The following PYGM variants were observed in gnomAD, a reference collection of about 807,000 sequenced individuals.
The protein encoded by PYGM is glycogen phosphorylase, muscle form.
In PYGM, 81 loss-of-function variants were observed where a neutral mutation model predicts 99.3. That is an observed-to-expected ratio of 0.82 (90% CI 0.68 to 0.98). PYGM has a LOEUF of 0.98. Ranked by LOEUF, PYGM falls within the 50% of genes least tolerant of loss-of-function variation. The pLI is 0.00. For synonymous variants in PYGM, 436 were observed against 451.5 expected, an observed-to-expected ratio of 0.97 and a Z score of 0.44; for missense variants, 1,030 against 1,158.1, an observed-to-expected ratio of 0.89 and a Z score of 1.61.
Position 64,754,719 on chromosome 11 carries a change from TGCGCACGGGATCACG to T in PYGM, c.958_972del (p.Arg320_Arg324del), listed in dbSNP as rs749369836. 6.2e-7 allele frequency: 1 copy of T among 1,613,752 alleles called. No individual in the cohort carries two copies. The highest frequency in any genetic ancestry group is 1.1e-5 in the South Asian group (1 of 91,062). On this transcript the variant is annotated inframe_deletion, in exon 8 of 20. Coordinates refer to ENST00000164139, the MANE Select transcript of PYGM (RefSeq NM_005609.4). This position sits in a 1 kb window ranked among gnomAD's most constrained non-coding sequence, Gnocchi z 5.5. ...TTATCTGGGAAGGCATCGAAGTTCGTGCGCACGGGATCACGGCAGCCGAACTTGGAAGACTTGAAG... is the reference window on the plus strand; with the variant it reads ...TTATCTGGGAAGGCATCGAAGTTCGTGCAGCCGAACTTGGAAGACTTGAAG...
chr11:64,757,711 T>C lies in PYGM; in HGVS notation c.660+68A>G. On this transcript the variant is annotated intron_variant, in intron 5 of 19. Transcript: ENST00000164139. ...GGTGTAAAATACACTGGGTCCTGCT[T>C]CCTCTCTGGGCTTCCTTCTCTTCCC... The C allele has an allele frequency of 2.5e-6, 4 of 1,605,802 alleles. No individual in the cohort carries two copies. In the South Asian group the frequency reaches 4.4e-5, roughly 18 times the overall value.
Position 64,746,817 on chromosome 11 carries a change from C to T in PYGM, c.2380-9G>A, listed in dbSNP as rs780193913. ...GTCCACTCTCTTGGGTTCTGCAGGTCAAAGGGAAGCTCTGGTTCACTCTGC... is the reference window on the plus strand; with the variant it reads ...GTCCACTCTCTTGGGTTCTGCAGGTTAAAGGGAAGCTCTGGTTCACTCTGC... On this transcript the variant is annotated splice_polypyrimidine_tract_variant and intron_variant, in intron 19 of 19. Transcript: ENST00000164139. 1.2e-6 allele frequency: 2 copies of T among 1,614,162 alleles called. No homozygotes were observed. Among genetic ancestry groups the T allele is most frequent in the Non-Finnish European group, 8.5e-7 (1 of 1,180,022 alleles).
chr11:64,755,654 G>T lies in PYGM; in HGVS notation c.661-96C>A. ...CAAGGCTTTATCCCTGCACTCTGCAGACCCAGGCTCTTGTCCTTGTCTAGC... is the reference window on the plus strand; with the variant it reads ...CAAGGCTTTATCCCTGCACTCTGCATACCCAGGCTCTTGTCCTTGTCTAGC... On this transcript the variant is annotated intron_variant, in intron 5 of 19. Coordinates refer to ENST00000164139, the MANE Select transcript of PYGM (RefSeq NM_005609.4). The surrounding 1 kb of genome is among the most constrained non-coding windows in gnomAD (Gnocchi z 4.1). 1.1e-6 allele frequency: 1 copy of T among 925,984 alleles called. No individual in the cohort carries two copies. Among genetic ancestry groups the T allele is most frequent in the South Asian group, 1.4e-5 (1 of 69,506 alleles). The allele number at this position is 925,984 out of a possible 1,614,324, so 57.4% of individuals were successfully genotyped here.
At chr11:64,759,441 C>T (rs560318083) in intron 1 of PYGM, among the ~76,000 whole-genome samples, 16 of 152,282 alleles carry the variant, frequency 1.1e-4, no homozygotes, top group African/African-American at 3.8e-4. Flanking sequence ...GGGCACTGAC[C>T]CTTTGCAGCC....
chr11:64,753,064 G>C lies in PYGM; in HGVS notation c.1518+9C>G, dbSNP rs1210456408. On this transcript the variant is annotated intron_variant, in intron 12 of 19. Transcript: ENST00000164139. ...TGTTGACTCTACTGGCCCTACGGTG[G>C]CCTCTCACCTCAGCAATGACCTCTG... 1 of 1,592,064 alleles carries C rather than the reference G, an allele frequency of 6.3e-7. No individual in the cohort carries two copies. Among genetic ancestry groups the C allele is most frequent in the Non-Finnish European group, 8.6e-7 (1 of 1,160,110 alleles).
chr11:64,754,491 G>A lies in PYGM; in HGVS notation c.1000-146C>T, dbSNP rs898823836. 57 of 950,996 alleles carry A rather than the reference G, an allele frequency of 6.0e-5. No individual in the cohort carries two copies. In the Admixed American group the frequency reaches 8.2e-4, roughly 14 times the overall value. 58.9% of individuals were successfully genotyped at this position (950,996 alleles called of 1,614,324 possible). ...GAGGCAGGCCGGTGCTCATGGGGGT[G>A]GGAGGAATGGGGGGAGTGGGGCGGG... is the stretch of plus-strand genomic sequence containing the variant. On this transcript the variant is annotated intron_variant, in intron 8 of 19. Transcript: ENST00000164139. The surrounding 1 kb of genome is among the most constrained non-coding windows in gnomAD (Gnocchi z 5.5).
At chr11:64,748,158 C>G (rs1302279785) in intron 17 of PYGM, 1 of 152,948 alleles carries the variant, frequency 6.5e-6, no homozygotes, top group Admixed American at 6.5e-5. Flanking sequence ...GCGCTCCCCA[C>G]AAAATCTCTA....
At chr11:64,760,240 A>G (rs1203811267), upstream of PYGM, 2 of 317,810 alleles carry the variant, frequency 6.3e-6, no homozygotes, top group African/African-American at 4.2e-5. Context: ...TGGATACAAG[A>G]AGGAGCAGGC....
At chr11:64,747,479 G>A in intron 17 of PYGM, 121 bp from the exon 18 acceptor site, 1 of 1,364,306 alleles carries the variant, frequency 7.3e-7, no homozygotes, top group Non-Finnish European at 1.0e-6. Flanking sequence ...TGCTCCCCAG[G>A]GCTGCCACAT....
Position 64,753,946 on chromosome 11 carries a change from T to G in PYGM, c.1172A>C (p.His391Pro), listed in dbSNP as rs1592411679. ...CCGCGGCAGCAGCGTCTCCAAGAGG[T>G]GCACCGGCCAGCGCTCCAGGGCCTC... ...LPEALERWPVHLLETLLPRHL... is the reference protein window; with the variant it reads ...LPEALERWPVPLLETLLPRHL... Residue 391 changes from histidine to proline, a missense_variant, in exon 10 of 20, where the codon CAC (histidine) becomes CCC (proline). Coordinates refer to ENST00000164139, the MANE Select transcript of PYGM (RefSeq NM_005609.4). The G allele has an allele frequency of 1.2e-6, 2 of 1,600,862 alleles. No homozygotes were observed. Among genetic ancestry groups the G allele is most frequent in the Non-Finnish European group, 1.7e-6 (2 of 1,173,682 alleles).
Position 64,755,643 on chromosome 11 carries a change from T to G in PYGM, c.661-85A>C. 9.7e-7 allele frequency: 1 copy of G among 1,033,462 alleles called. No individual in the cohort carries two copies. 64.0% of individuals were successfully genotyped at this position (1,033,462 alleles called of 1,614,324 possible). On this transcript the variant is annotated intron_variant, in intron 5 of 19. Transcript: ENST00000164139. The surrounding 1 kb of genome is among the most constrained non-coding windows in gnomAD (Gnocchi z 4.1). Reference sequence around the variant, plus strand: ...GGGCTGGGACTCAAGGCTTTATCCCTGCACTCTGCAGACCCAGGCTCTTGT... The same window carrying G: ...GGGCTGGGACTCAAGGCTTTATCCCGGCACTCTGCAGACCCAGGCTCTTGT...
chr11:64,750,667 G>T (rs1007458491), intron 16 of PYGM, 84 bp from the exon 17 acceptor site: 1 of 1,360,218 alleles, frequency 7.4e-7, no homozygotes, highest in South Asian at 1.2e-5. Context: ...CTGGCCCCAG[G>T]CATAGCTGGA....
At position 64,752,466 on chromosome 11, in the gene PYGM, C is replaced by T; in HGVS notation, c.1557G>A (p.Leu519=). The stretch of plus-strand genomic sequence containing the variant: ...CATCCACAAAGGAGAGCAGTTTGCG[C>T]AGCTGGTCCAGGTCAGAGATGAAGT... ...GEDFISDLDQ[L]RKLLSFVDDE... The change falls in exon 13 of 20, where the codon CTG becomes CTA. Residue 519 remains leucine (L), a synonymous_variant. Transcript: ENST00000164139. 6.2e-7 allele frequency: 1 copy of T among 1,614,256 alleles called. No homozygotes were observed. The highest frequency in any genetic ancestry group is 8.5e-7 in the Non-Finnish European group (1 of 1,180,038).
In PYGM at chr11:64,755,640, C is replaced by G; in HGVS notation, c.661-82G>C. 9.2e-7 allele frequency: 1 copy of G among 1,081,200 alleles called. No homozygotes were observed. The highest frequency in any genetic ancestry group is 1.4e-6 in the Non-Finnish European group (1 of 715,482). 67.0% of individuals were successfully genotyped at this position (1,081,200 alleles called of 1,614,324 possible). On this transcript the variant is annotated intron_variant, in intron 5 of 19. Transcript: ENST00000164139. The surrounding 1 kb of genome is among the most constrained non-coding windows in gnomAD (Gnocchi z 4.1). ...TCAGGGCTGGGACTCAAGGCTTTAT[C>G]CCTGCACTCTGCAGACCCAGGCTCT...
In PYGM at chr11:64,750,580, A is replaced by C; in HGVS notation, c.1973T>G (p.Ile658Ser). 1 of 1,614,002 alleles carries C rather than the reference A, an allele frequency of 6.2e-7. No homozygotes were observed. Among genetic ancestry groups the C allele is most frequent in the East Asian group, 2.2e-5 (1 of 44,874 alleles). ...CTGCTCAGAGAGGTCTGCAGCTGGG[A>C]TCACTGTGGGGTGGCAGCAGGGGGA... ...NYRVSLAEKVIPAADLSEQIS... is the reference protein window; with the variant it reads ...NYRVSLAEKVSPAADLSEQIS... Residue 658 changes from isoleucine to serine, a missense_variant, in exon 17 of 20, where the codon ATC becomes AGC. Ile to Ser is a moderately radical substitution (Grantham distance 142). Coordinates refer to ENST00000164139, the MANE Select transcript of PYGM (RefSeq NM_005609.4).
chr11:64,757,318 A>T (rs1490018521), intron 5 of PYGM, among the ~76,000 whole-genome samples: 1 of 152,042 alleles, frequency 6.6e-6, no homozygotes, highest in Non-Finnish European at 1.5e-5. Context: ...TCGGCCTTCT[A>T]AAGTGCTGGG....
Position 64,759,941 on chromosome 11 carries a change from ACGG to A in PYGM, c.-46_-44del. ...CCGGACTGGACTGATGGTAGAGGGG[ACGG>A]CGGCCTCAGCACTGCCTCCAGCCAA... On this transcript the variant is annotated 5_prime_UTR_variant, in exon 1 of 20. Coordinates refer to ENST00000164139, the MANE Select transcript of PYGM (RefSeq NM_005609.4). 1 of 1,607,858 alleles carries A rather than the reference ACGG, an allele frequency of 6.2e-7. No individual in the cohort carries two copies. Among genetic ancestry groups the A allele is most frequent in the Non-Finnish European group, 8.5e-7 (1 of 1,176,458 alleles).
chr11:64,746,725 A>T lies in PYGM; in HGVS notation c.2463T>A (p.Tyr821Ter). 1.9e-6 allele frequency: 3 copies of T among 1,614,196 alleles called. No homozygotes were observed. In the South Asian group the frequency reaches 3.3e-5, roughly 18 times the overall value. Residue 821 changes from tyrosine (Y) to a stop codon, truncating the protein, a stop_gained, in exon 20 of 20, where the codon TAT (tyrosine) becomes TAA (stop). Coordinates refer to ENST00000164139, the MANE Select transcript of PYGM (RefSeq NM_005609.4). LOFTEE classifies it high-confidence loss of function. ...KFSSDRTIAQ[Y>*]AREIWGVEPS... is the part of the protein sequence containing the mutation. ...GCTCCACACCCCAGATCTCCCGGGC[A>T]TACTGGGCAATGGTGCGGTCACTGG...
intron 17 of PYGM, among the ~76,000 whole-genome samples, chr11:64,749,917 C>T (rs1199522160): frequency 1.3e-5 from 2 of 151,628 alleles, no homozygotes; most frequent in African/African-American, 2.4e-5. Flanking sequence ...CTCAGCCTCC[C>T]GATCAGCTGG....
Sources: gnomAD v4.1 joint callset for allele counts (sites outside exome capture counted in the v4.1 genomes callset) on GRCh38, gnomAD v4.1.1 for gene constraint, Gnocchi (gnomAD v3.1) non-coding constraint, MANE v1.5 for transcripts, NCBI Gene and HGNC (gene_info 2026-07-23, HGNC 2026-07-21) for gene names.